E2F3: variants seen among roughly 807,000 people sequenced by gnomAD.
The protein encoded by E2F3 is E2F transcription factor 3, also known as transcription factor E2F3.
Under a neutral mutation model 44.4 loss-of-function variants are expected in E2F3, and 11 were observed. The ratio of observed to expected loss-of-function variants is 0.25; its 90% CI spans 0.16 to 0.41. The LOEUF is 0.41. E2F3 is among the 10% of genes least tolerant of loss of function. The probability of loss-of-function intolerance (pLI) is 1.00; values close to 1 mark genes in which losing one functional copy is unlikely to be tolerated. For synonymous variants in E2F3, 249 were observed against 253.0 expected (o/e 0.98, Z 0.15); for missense variants, 487 against 583.6 (o/e 0.83, Z 1.70).
rs57925127 is a variant in E2F3 at position 20,472,025 on chromosome 6, AACACACACACACACACAC to A, written c.394-7794_394-7777del. On this transcript the variant is annotated intron_variant, in intron 1 of 6. Coordinates refer to ENST00000346618, the MANE Select transcript of E2F3 (RefSeq NM_001949.5). ...TTAAACTCCAGCCTGCCCCCCCTCC[AACACACACACACACACAC>A]ACACACACACACACACACACACACA... is the stretch of plus-strand genomic sequence containing the variant. Among the ~76,000 whole-genome samples the A allele has an allele frequency of 1.5e-3, 206 of 138,446 alleles. 1 individual carries two copies. Among genetic ancestry groups the A allele is most frequent in the African/African-American group, 4.9e-3 (181 of 36,816 alleles). 90.8% of individuals were successfully genotyped at this position (138,446 alleles called of 152,430 possible). A position where few individuals can be genotyped will look rare whatever the true frequency, so the allele number is the denominator to read the frequency against.
intron 1 of E2F3, among the ~76,000 whole-genome samples, chr6:20,418,631 G>C (rs1759926618): frequency 6.6e-6 from 1 of 152,200 alleles, no homozygotes; most frequent in African/African-American, 2.4e-5. Flanking sequence ...GTTATTGCCT[G>C]TGTTCTCGAT....
chr6:20,484,670 A>G (rs531719875), intron 4 of E2F3, among the ~76,000 whole-genome samples: 3 of 152,356 alleles, frequency 2.0e-5, no homozygotes, highest in Admixed American at 6.5e-5. Context: ...ATTAGCCATC[A>G]TCTCAACTGT....
chr6:20,492,312 G>A lies in E2F3; in HGVS notation c.*1882G>A, dbSNP rs1327539551. The A allele has an allele frequency of 8.6e-6, 2 of 232,826 alleles. No individual in the cohort carries two copies. Among genetic ancestry groups the A allele is most frequent in the Non-Finnish European group, 1.7e-5 (2 of 117,644 alleles). The allele number at this position is 232,826 out of a possible 1,614,324, so 14.4% of individuals were successfully genotyped here. A position where few individuals can be genotyped will look rare whatever the true frequency, so the allele number is the denominator to read the frequency against. ...TGTATGTTTGGGAAGAAAAACAAAG[G>A]TGCAGACTATCTTCCTTTTTTTCTT... is the stretch of plus-strand genomic sequence containing the variant. On this transcript the variant is annotated 3_prime_UTR_variant, in exon 7 of 7. Transcript: ENST00000346618.
In E2F3 at chr6:20,493,446, C is replaced by A. The variant is rs965495428; in HGVS notation, c.*3016C>A. 7 of 224,962 alleles carry A rather than the reference C, an allele frequency of 3.1e-5. No homozygotes were observed. The highest frequency in any genetic ancestry group is 1.6e-4 in the African/African-American group (7 of 44,626). 13.9% of individuals were successfully genotyped at this position (224,962 alleles called of 1,614,324 possible). A position where few individuals can be genotyped will look rare whatever the true frequency, so the allele number is the denominator to read the frequency against. On this transcript the variant is annotated 3_prime_UTR_variant, in exon 7 of 7. Transcript: ENST00000346618. ...TGGGAATTTCTTTTCCTACGGGGTA[C>A]GTGATTTTGTAAAAAGGAAGTATTT...
intron 1 of E2F3, among the ~76,000 whole-genome samples, chr6:20,446,155 A>T (rs2127598344): frequency 6.6e-6 from 1 of 152,228 alleles, no homozygotes; most frequent in South Asian, 2.1e-4. Context: ...TTCCTCATTA[A>T]TGTTATAACA....
chr6:20,430,119 C>A (rs1017292073), intron 1 of E2F3, among the ~76,000 whole-genome samples: 5 of 152,072 alleles, frequency 3.3e-5, no homozygotes, highest in Non-Finnish European at 7.4e-5. Context: ...TTTTTCCATT[C>A]TGGAATATTA....
At chr6:20,427,967 G>A (rs896482627) in intron 1 of E2F3, among the ~76,000 whole-genome samples, 1 of 152,154 alleles carries the variant, frequency 6.6e-6, no homozygotes, top group Non-Finnish European at 1.5e-5. Flanking sequence ...GTTCACCAAG[G>A]GACTTTGGTC....
chr6:20,480,360 G>A (rs79129585), intron 2 of E2F3, among the ~76,000 whole-genome samples: 8,099 of 152,248 alleles, frequency 0.053, 736 homozygotes, highest in African/African-American at 0.18. Context: ...ATATGATAGC[G>A]TAAGAATTGA....
intron 2 of E2F3, among the ~76,000 whole-genome samples, chr6:20,480,537 T>A (rs1198507948): frequency 1.3e-5 from 2 of 152,220 alleles, no homozygotes; most frequent in East Asian, 3.8e-4. Context: ...CTTCCTTTAG[T>A]TCATGCATTA....
rs1469710063 is a variant in E2F3, at chr6:20,402,807, G to T, written c.393+182G>T. ...TGAGTGCTCTTCCCGGCGCCAGGAGGGTCGGGGGGCTCGGCCAGGCGCGCG... is the reference window on the plus strand; with the variant it reads ...TGAGTGCTCTTCCCGGCGCCAGGAGTGTCGGGGGGCTCGGCCAGGCGCGCG... On this transcript the variant is annotated intron_variant, in intron 1 of 6. Coordinates refer to ENST00000346618, the MANE Select transcript of E2F3 (RefSeq NM_001949.5). This position sits in a 1 kb window ranked among gnomAD's most constrained non-coding sequence, Gnocchi z 5.6. 2.0e-5 allele frequency among the ~76,000 whole-genome samples: 3 copies of T among 152,106 alleles called. No homozygotes were observed. Among genetic ancestry groups the T allele is most frequent in the Non-Finnish European group, 4.4e-5 (3 of 67,990 alleles).
chr6:20,475,264 T>C (rs1397753609), intron 1 of E2F3, among the ~76,000 whole-genome samples: 1 of 152,234 alleles, frequency 6.6e-6, no homozygotes, highest in Non-Finnish European at 1.5e-5. Context: ...ACATGAAGAC[T>C]AGTCCCGGTC....
At chr6:20,447,104 T>C (rs1201854787) in intron 1 of E2F3, among the ~76,000 whole-genome samples, 1 of 152,118 alleles carries the variant, frequency 6.6e-6, no homozygotes, top group Non-Finnish European at 1.5e-5. Context: ...AGCTTGCATC[T>C]TGTCAGGGAA....
intron 1 of E2F3, among the ~76,000 whole-genome samples, chr6:20,443,768 C>T (rs1334076579): frequency 6.6e-6 from 1 of 152,130 alleles, no homozygotes; most frequent in Non-Finnish European, 1.5e-5. Context: ...ATGGCCCTAA[C>T]ATTTATTTAG....
In E2F3 at chr6:20,433,920, G is replaced by A. The variant is rs79408670; in HGVS notation, c.393+31295G>A. ...ATGTTAATGAAGATTCCTATCAAATGTGGTCCCCACCCCCTGCTCTGGGTT... is the reference window on the plus strand; with the variant it reads ...ATGTTAATGAAGATTCCTATCAAATATGGTCCCCACCCCCTGCTCTGGGTT... On this transcript the variant is annotated intron_variant, in intron 1 of 6. Transcript: ENST00000346618. Among the ~76,000 whole-genome samples, 394 of 152,276 alleles carry A rather than the reference G, an allele frequency of 2.6e-3. 2 individuals are homozygous for A. Among genetic ancestry groups the A allele is most frequent in the African/African-American group, 9.0e-3 (376 of 41,564 alleles).
chr6:20,440,858 A>G (rs1760749370), intron 1 of E2F3, among the ~76,000 whole-genome samples: 1 of 152,018 alleles, frequency 6.6e-6, no homozygotes, highest in South Asian at 2.1e-4. Context: ...AGAAATGAAC[A>G]GATGATCAAG....
chr6:20,414,250 T>TGGGGATCGATGCTGTC (rs1476707151), intron 1 of E2F3, among the ~76,000 whole-genome samples: 1 of 152,206 alleles, frequency 6.6e-6, no homozygotes, highest in Non-Finnish European at 1.5e-5. Context: ...GGTTGATTTT[T>TGGGGATCGATGCTGTC]GGGGATCGAT....
At position 20,463,423 on chromosome 6, in the gene E2F3, C is replaced by T. The variant is rs1432488366; in HGVS notation, c.394-16423C>T. Among the ~76,000 whole-genome samples the T allele has an allele frequency of 2.6e-5, 4 of 152,098 alleles. No individual in the cohort carries two copies. In the East Asian group the frequency reaches 7.7e-4, roughly 29 times the overall value. ...AGAGATTTAAATGTAACATATTTAC[C>T]CACATAGTTACCATTTCTACTGCTC... On this transcript the variant is annotated intron_variant, in intron 1 of 6. Coordinates refer to ENST00000346618, the MANE Select transcript of E2F3 (RefSeq NM_001949.5).
At chr6:20,425,227 G>A (rs7752992) in intron 1 of E2F3, among the ~76,000 whole-genome samples, 72,539 of 151,814 alleles carry the variant, frequency 0.48, 18,561 homozygotes, top group East Asian at 0.7. Flanking sequence ...TATTTACCCA[G>A]TGCTTTTTTT....
At chr6:20,457,526 C>T (rs1031261036) in intron 1 of E2F3, among the ~76,000 whole-genome samples, 2 of 151,966 alleles carry the variant, frequency 1.3e-5, no homozygotes, top group South Asian at 2.1e-4. Context: ...ACATCTACTG[C>T]GACAGCATCC....
Sources: allele counts gnomAD v4.1 joint callset (sites outside exome capture counted in the v4.1 genomes callset), GRCh38; gene constraint gnomAD v4.1.1; non-coding constraint Gnocchi (gnomAD v3.1); transcripts MANE v1.5; gene names NCBI Gene and HGNC (gene_info 2026-07-23, HGNC 2026-07-21).